Variants in ITPR1 observed in about 807,000 individuals in gnomAD.
ITPR1 encodes the protein inositol 1,4,5-trisphosphate-gated calcium channel ITPR1.
Under a neutral mutation model 318.4 loss-of-function variants are expected in ITPR1, and 96 were observed. The observed-to-expected ratio is 0.30, with a 90% confidence interval of 0.26 to 0.36. ITPR1 has a LOEUF of 0.36. ITPR1 is among the 10% of genes least tolerant of loss of function. ITPR1 has a pLI of 1.00. For missense variants in ITPR1, 2,440 were observed against 3,460.2 expected, an observed-to-expected ratio of 0.71 and a Z score of 7.40; for synonymous variants, 1,312 against 1,289.9, an observed-to-expected ratio of 1.02 and a Z score of -0.37.
chr3:4,571,827 GTT>G (rs1299765270), intron 4 of ITPR1, among the ~76,000 whole-genome samples: 5 of 152,142 alleles, frequency 3.3e-5, no homozygotes, highest in African/African-American at 1.2e-4. Context: ...ACTGCTAGAT[GTT>G]AGACTTTGAG....
At chr3:4,577,451 G>A (rs183868333) in intron 4 of ITPR1, among the ~76,000 whole-genome samples, 4 of 152,316 alleles carry the variant, frequency 2.6e-5, no homozygotes, top group East Asian at 1.9e-4. Flanking sequence ...TTGCTAGCAG[G>A]CGAACCATGC....
chr3:4,693,838 C>A, intron 33 of ITPR1, 97 bp downstream of exon 33: 2 of 1,328,550 alleles, frequency 1.5e-6, no homozygotes, highest in Non-Finnish European at 2.0e-6. Flanking sequence ...CCTGGGGGAG[C>A]CCTCATGGCT....
At chr3:4,741,007 A>G (rs2043661633) in intron 44 of ITPR1, among the ~76,000 whole-genome samples, 1 of 152,210 alleles carries the variant, frequency 6.6e-6, no homozygotes, top group East Asian at 1.9e-4. Flanking sequence ...TTTTTGGCAC[A>G]CATGGGGCTC....
intron 4 of ITPR1, among the ~76,000 whole-genome samples, chr3:4,525,335 C>T (rs2082892282): frequency 1.3e-5 from 2 of 152,202 alleles, no homozygotes; most frequent in Admixed American, 6.5e-5. Flanking sequence ...TTAATTTTCA[C>T]AGTAGATATA....
intron 23 of ITPR1, among the ~76,000 whole-genome samples, chr3:4,675,977 G>A (rs1237950705): frequency 6.6e-6 from 1 of 152,150 alleles, no homozygotes; most frequent in Non-Finnish European, 1.5e-5. Context: ...AGGTCAAGCA[G>A]CATCAGGATT....
chr3:4,719,953 ATGT>A (rs2042032366), intron 40 of ITPR1, among the ~76,000 whole-genome samples: 1 of 152,136 alleles, frequency 6.6e-6, no homozygotes, highest in Non-Finnish European at 1.5e-5. Flanking sequence ...GAAACTCCTC[ATGT>A]TGTTGTACCT....
At chr3:4,722,753 T>TAGC (rs2042253949) in intron 40 of ITPR1, among the ~76,000 whole-genome samples, 1 of 151,948 alleles carries the variant, frequency 6.6e-6, no homozygotes. Context: ...GCCTGGCCCA[T>TAGC]GGGTTGGATT....
intron 5 of ITPR1, among the ~76,000 whole-genome samples, chr3:4,635,758 C>T (rs1055370456): frequency 1.3e-5 from 2 of 152,154 alleles, no homozygotes; most frequent in Admixed American, 1.3e-4. Context: ...TGATCAGTGG[C>T]CTGTAGTGTT....
rs781061558 is a variant in ITPR1 at position 4,693,636 on chromosome 3, T to C, written c.4176T>C (p.Ala1392=). 5.0e-6 allele frequency: 8 copies of C among 1,614,070 alleles called. 1 individual carries two copies. In the South Asian group the frequency reaches 6.6e-5, roughly 13 times the overall value. ...ACATCCACTTGGTCGAGCTCCTGGC[T>C]GTGTGCACGGAGGGTAAGAATGTCT... ...MYHIHLVELL[A]VCTEGKNVYT... The change falls in exon 33 of 62, where the codon GCT becomes GCC. Residue 1392 remains alanine, a synonymous_variant. Transcript: ENST00000649015.
Position 4,563,598 on chromosome 3 carries a change from G to C in ITPR1, c.163+42504G>C, listed in dbSNP as rs143545155. Among the ~76,000 whole-genome samples, 238 of 152,338 alleles carry C rather than the reference G, an allele frequency of 1.6e-3. 1 individual carries two copies. The highest frequency in any genetic ancestry group is 5.4e-3 in the African/African-American group (224 of 41,572). ...TTTTTATTAGCCACGTGAAGTTTGGGTGATAAAAATTTGATTTCCTACGAA... is the reference window on the plus strand; with the variant it reads ...TTTTTATTAGCCACGTGAAGTTTGGCTGATAAAAATTTGATTTCCTACGAA... On this transcript the variant is annotated intron_variant, in intron 4 of 61. Coordinates refer to ENST00000649015, the MANE Select transcript of ITPR1 (RefSeq NM_001378452.1).
At chr3:4,814,135 G>A (rs1005505443) in intron 57 of ITPR1, among the ~76,000 whole-genome samples, 7 of 152,178 alleles carry the variant, frequency 4.6e-5, no homozygotes, top group Middle Eastern at 3.2e-3. Context: ...GACTGTTTGC[G>A]GCTGGGTCTG....
chr3:4,513,034 G>A (rs2081949615), intron 2 of ITPR1, among the ~76,000 whole-genome samples: 1 of 152,150 alleles, frequency 6.6e-6, no homozygotes, highest in African/African-American at 2.4e-5. Context: ...TCTCTGAGGT[G>A]GTCCTTGTCA....
rs747549652 is a variant in ITPR1 at position 4,806,092 on chromosome 3, A to G, written c.7108-11A>G. 37 of 1,610,442 alleles carry G rather than the reference A, an allele frequency of 2.3e-5. No individual in the cohort carries two copies. The highest frequency in any genetic ancestry group is 3.1e-5 in the Non-Finnish European group (36 of 1,177,606). On this transcript the variant is annotated splice_polypyrimidine_tract_variant and intron_variant, in intron 54 of 61. Coordinates refer to ENST00000649015, the MANE Select transcript of ITPR1 (RefSeq NM_001378452.1). Reference sequence around the variant, plus strand: ...TCCGTGCCATCTGACTGTTCCTGTCATTGTTCTCAGGTATGCAATAAAATC... The same window carrying G: ...TCCGTGCCATCTGACTGTTCCTGTCGTTGTTCTCAGGTATGCAATAAAATC...
intron 60 of ITPR1, among the ~76,000 whole-genome samples, chr3:4,833,946 C>T (rs779702414): frequency 1.3e-5 from 2 of 152,180 alleles, no homozygotes; most frequent in African/African-American, 2.4e-5. Flanking sequence ...GGCTGTAGTG[C>T]GGTGGCACAA....
Position 4,544,210 on chromosome 3 carries a change from A to G in ITPR1, c.163+23116A>G, listed in dbSNP as rs542119940. Among the ~76,000 whole-genome samples the G allele has an allele frequency of 1.3e-4, 20 of 152,308 alleles. No homozygotes were observed. The South Asian group carries it at 2.3e-3, about 17-fold the overall frequency. On this transcript the variant is annotated intron_variant, in intron 4 of 61. Coordinates refer to ENST00000649015, the MANE Select transcript of ITPR1 (RefSeq NM_001378452.1). ...TATGTTAAGAAGCAGCCAGGTCACC[A>G]TGTGGTGGAAATTGTTTGGGAGACA... is the stretch of plus-strand genomic sequence containing the variant.
intron 4 of ITPR1, among the ~76,000 whole-genome samples, chr3:4,576,651 A>G (rs1439419990): frequency 6.6e-6 from 1 of 152,230 alleles, no homozygotes; most frequent in African/African-American, 2.4e-5. Flanking sequence ...GGTCATGGCA[A>G]TGGAGCCCGT....
At chr3:4,825,656 C>A in intron 60 of ITPR1, 1 of 448,680 alleles carries the variant, frequency 2.2e-6, no homozygotes, top group Non-Finnish European at 4.5e-6. Context: ...CAGAAAGCAA[C>A]GTGTTAACAA....
At chr3:4,693,365 T>C in intron 32 of ITPR1, 125 bp from the exon 33 acceptor site, 2 of 1,055,026 alleles carry the variant, frequency 1.9e-6, no homozygotes, top group Non-Finnish European at 2.8e-6. Flanking sequence ...GAAGTCAAAA[T>C]AGGTAAGACT....
chr3:4,622,487 G>C lies in ITPR1; in HGVS notation c.164-5276G>C, dbSNP rs186972237. Among the ~76,000 whole-genome samples, 1,250 of 151,264 alleles carry C rather than the reference G, an allele frequency of 8.3e-3. 19 individuals carry two copies. The highest frequency in any genetic ancestry group is 0.029 in the African/African-American group (1,183 of 41,158). On this transcript the variant is annotated intron_variant, in intron 4 of 61. Coordinates refer to ENST00000649015, the MANE Select transcript of ITPR1 (RefSeq NM_001378452.1). ...TCGCCAGGCTGGAGTGCAATGGTGT[G>C]ATATCAGGTCACTGCAACCTCCGCC...
Sources: allele counts gnomAD v4.1 joint callset (sites outside exome capture counted in the v4.1 genomes callset), GRCh38; gene constraint gnomAD v4.1.1; transcripts MANE v1.5; gene names NCBI Gene and HGNC (gene_info 2026-07-23, HGNC 2026-07-21).